Variants in WDR19 observed in about 807,000 individuals in gnomAD.
WDR19 encodes WD repeat-containing protein 19.
A neutral mutation model predicts 180.0 loss-of-function variants in WDR19; 121 were observed. The observed-to-expected ratio is 0.67, with a 90% CI of 0.58 to 0.78. WDR19 has a LOEUF of 0.78. Among genes scored for constraint, WDR19 ranks in the 30% least tolerant of loss-of-function variants. WDR19 has a pLI of 0.00. For missense variants in WDR19, 1,450 were observed against 1,640.7 expected (o/e 0.88, Z 2.01); for synonymous variants, 497 against 540.7 (o/e 0.92, Z 1.12).
At chr4:39,189,849 C>G in intron 4 of WDR19, 68 bp downstream of exon 4, 1 of 1,462,374 alleles carries the variant, frequency 6.8e-7, no homozygotes, top group Non-Finnish European at 9.1e-7. Context: ...TTGGTGCTAA[C>G]AATTCTTTAC....
At chr4:39,216,285 CT>C in intron 12 of WDR19, 75 bp downstream of exon 12, 1 of 1,174,674 alleles carries the variant, frequency 8.5e-7, no homozygotes, top group Non-Finnish European at 1.2e-6. Flanking sequence ...CTGCAAGTTT[CT>C]TTTAGGACCA....
At position 39,203,721 on chromosome 4, in the gene WDR19, T is replaced by C. The variant is rs749686201; in HGVS notation, c.602T>C (p.Met201Thr). ...GACCGAACCTCTGCTGCTGAAAGCA[T>C]GGTAAGAATTCTAATCAAATCCACG... ...MDDRTSAAES[M>T]ISVVLGKKTL... Residue 201 changes from methionine (M) to threonine (T), a missense_variant and splice_region_variant, in exon 7 of 37, where the codon ATG becomes ACG. By Grantham distance (81) the Met-to-Thr change is moderately conservative (BLOSUM62 -1). Coordinates refer to ENST00000399820, the MANE Select transcript of WDR19 (RefSeq NM_025132.4). The C allele has an allele frequency of 6.2e-7, 1 of 1,609,796 alleles. No homozygotes were observed. The highest frequency in any genetic ancestry group is 1.1e-5 in the South Asian group (1 of 89,956).
chr4:39,263,723 G>A (rs1043119002), intron 28 of WDR19, among the ~76,000 whole-genome samples: 29 of 152,156 alleles, frequency 1.9e-4, no homozygotes, highest in African/African-American at 3.4e-4. Context: ...TCAGAAGTTC[G>A]AGACCAGCCT....
At chr4:39,246,529 C>G (rs139481236) in intron 24 of WDR19, among the ~76,000 whole-genome samples, 1 of 152,276 alleles carries the variant, frequency 6.6e-6, no homozygotes, top group African/African-American at 2.4e-5. Flanking sequence ...TGCAGCGCAC[C>G]GTGTGTAAGC....
intron 5 of WDR19, among the ~76,000 whole-genome samples, chr4:39,196,810 C>T (rs1726789447): frequency 1.3e-5 from 2 of 152,224 alleles, no homozygotes; most frequent in Non-Finnish European, 2.9e-5. Flanking sequence ...GACCTCATCT[C>T]ATGTTCTTCC....
At chr4:39,283,598 T>C (rs1736806388) in intron 36 of WDR19, among the ~76,000 whole-genome samples, 1 of 151,374 alleles carries the variant, frequency 6.6e-6, no homozygotes. Flanking sequence ...TCCTATTATA[T>C]ATATACACAC....
In WDR19 at chr4:39,266,746, C is replaced by G. The variant is rs551898027; in HGVS notation, c.3261+606C>G. 2.6e-5 allele frequency among the ~76,000 whole-genome samples: 4 copies of G among 152,228 alleles called. No individual in the cohort carries two copies. In the East Asian group the frequency reaches 7.7e-4, roughly 29 times the overall value. On this transcript the variant is annotated intron_variant, in intron 29 of 36. Transcript: ENST00000399820. ...ACATTTCAAAAATTATGGAAGTTAA[C>G]AAAAATCAGATTAAGCATAAAGGTA...
At chr4:39,202,852 C>T (rs938454863) in intron 6 of WDR19, among the ~76,000 whole-genome samples, 29 of 151,716 alleles carry the variant, frequency 1.9e-4, no homozygotes, top group Admixed American at 1.2e-3. Flanking sequence ...TGTTTCTTTA[C>T]GAGTTTTGTA....
intron 9 of WDR19, among the ~76,000 whole-genome samples, chr4:39,206,615 C>T (rs1194958849): frequency 4.6e-5 from 7 of 152,194 alleles, no homozygotes; most frequent in African/African-American, 1.7e-4. Flanking sequence ...GAGGAAGGAA[C>T]TCAGGAAAGC....
chr4:39,277,103 G>A lies in WDR19; in HGVS notation c.3800G>A (p.Cys1267Tyr), dbSNP rs745603321. The A allele has an allele frequency of 6.2e-7, 1 of 1,613,580 alleles. No homozygotes were observed. The highest frequency in any genetic ancestry group is 1.1e-5 in the South Asian group (1 of 90,982). ...CTTCTCCCAGAGTGTGAACTCCTCT[G>A]TCCTGGATGTAAAAACAGTATCCCA... The part of the protein sequence containing the change: ...KFLLPECELL[C>Y]PGCKNSIPYC... The change falls in exon 34 of 37, where the codon TGT becomes TAT. Residue 1267 changes from cysteine (C) to tyrosine (Y), a missense_variant. Transcript: ENST00000399820.
rs766541781 is a variant in WDR19, at chr4:39,224,908, A to G, written c.1504A>G (p.Ile502Val). ...TDTGVVQYFY[I>V]EDWQFVNDYR... Reference sequence around the variant, plus strand: ...GACTGGTGTCGTTCAGTATTTCTACATTGAAGACTGGCAATTCGTTAATGA... The same window carrying G: ...GACTGGTGTCGTTCAGTATTTCTACGTTGAAGACTGGCAATTCGTTAATGA... Residue 502 changes from isoleucine (I) to valine (V), a missense_variant, in exon 15 of 37, where the codon ATT (isoleucine) becomes GTT (valine). Physicochemically the swap from Ile to Val is conservative, Grantham distance 29. Transcript: ENST00000399820. 2.6e-6 allele frequency: 4 copies of G among 1,560,416 alleles called. No homozygotes were observed. The highest frequency in any genetic ancestry group is 2.3e-5 in the East Asian group (1 of 42,940).
chr4:39,273,727 T>C (rs139303679), intron 32 of WDR19: 1 of 152,330 alleles, frequency 6.6e-6, no homozygotes, highest in African/African-American at 2.4e-5. Context: ...ACAAGTACTT[T>C]TCTGAACAAA....
At chr4:39,259,372 A>G (rs1167730892) in intron 28 of WDR19, among the ~76,000 whole-genome samples, 1 of 152,154 alleles carries the variant, frequency 6.6e-6, no homozygotes, top group Non-Finnish European at 1.5e-5. Context: ...AGTCTTTTCC[A>G]TTGCTTTAGT....
At chr4:39,186,041 C>T (rs976420646) in intron 2 of WDR19, among the ~76,000 whole-genome samples, 4 of 151,904 alleles carry the variant, frequency 2.6e-5, no homozygotes, top group Admixed American at 1.3e-4. Flanking sequence ...AGTTATATGA[C>T]AGGAAAAGGA....
At chr4:39,256,030 G>C (rs1733721938) in intron 27 of WDR19, 70 bp downstream of exon 27, 1 of 1,144,788 alleles carries the variant, frequency 8.7e-7, no homozygotes, top group Admixed American at 2.0e-5. Flanking sequence ...GTAAATGCCA[G>C]GAATAATTGT....
Position 39,269,976 on chromosome 4 carries a change from G to T in WDR19, c.3359G>T (p.Gly1120Val). The T allele has an allele frequency of 6.2e-7, 1 of 1,612,054 alleles. No individual in the cohort carries two copies. Residue 1120 changes from glycine to valine, a missense_variant and splice_region_variant, in exon 31 of 37, where the codon GGC becomes GTC. Gly to Val is a moderately radical substitution (Grantham distance 109, BLOSUM62 -3). Coordinates refer to ENST00000399820, the MANE Select transcript of WDR19 (RefSeq NM_025132.4). Reference sequence around the variant, plus strand: ...TGTCGTTTTACCACCTTTTTTCAAGGCAACTACCGGAATGCACACGATGTT... The same window carrying T: ...TGTCGTTTTACCACCTTTTTTCAAGTCAACTACCGGAATGCACACGATGTT... ...IIIAREEQSA[G>V]NYRNAHDVLF... is the part of the protein sequence containing the mutation.
At chr4:39,272,871 CCA>C in intron 31 of WDR19, 107 bp from the exon 32 acceptor site, 1 of 873,878 alleles carries the variant, frequency 1.1e-6, no homozygotes. Context: ...TACAAGGATC[CCA>C]CAGTGACCCT....
chr4:39,216,296 A>G (rs1271260721), intron 12 of WDR19, 86 bp downstream of exon 12: 3 of 1,080,520 alleles, frequency 2.8e-6, no homozygotes, highest in African/African-American at 3.3e-5. Context: ...TTTTAGGACC[A>G]AGTCTTTCAC....
chr4:39,199,630 A>G (rs767706239), intron 6 of WDR19, 37 bp downstream of exon 6: 4 of 1,505,124 alleles, frequency 2.7e-6, no homozygotes, highest in South Asian at 2.4e-5. Context: ...GATATATTCA[A>G]GCTTTCCCCC....
Sources: gnomAD v4.1 joint callset for allele counts (sites outside exome capture counted in the v4.1 genomes callset) on GRCh38, gnomAD v4.1.1 for gene constraint, MANE v1.5 for transcripts, NCBI Gene and HGNC (gene_info 2026-07-23, HGNC 2026-07-21) for gene names.